Variants in NREP observed in about 807,000 individuals in gnomAD.
The protein encoded by NREP is neuronal regeneration-related protein.
A neutral mutation model predicts 8.6 loss-of-function variants in NREP; 5 were observed. The ratio of observed to expected loss-of-function variants is 0.58; its 90% confidence interval spans 0.30 to 1.22. The LOEUF (loss-of-function observed/expected upper bound fraction) is 1.22, where lower values mean the gene tolerates loss of function less well. Ranked by LOEUF, NREP falls within the 50% of genes most tolerant of loss-of-function variation. NREP has a pLI of 0.07. For missense variants in NREP, 86 were observed against 82.5 expected (o/e 1.04, Z -0.17); for synonymous variants, 27 against 28.0 (o/e 0.96, Z 0.11).
intron 2 of NREP, among the ~76,000 whole-genome samples, chr5:111,778,420 T>C (rs1444203945): frequency 6.6e-6 from 1 of 152,176 alleles, no homozygotes; most frequent in Non-Finnish European, 1.5e-5. Flanking sequence ...GTTTAAGTAG[T>C]GTGCTTAACA....
intron 2 of NREP, among the ~76,000 whole-genome samples, chr5:111,903,935 A>G (rs1303460067): frequency 6.6e-6 from 1 of 152,134 alleles, no homozygotes; most frequent in Non-Finnish European, 1.5e-5. Context: ...TAGAGTCAAA[A>G]GTTTTCGGTA....
At chr5:111,889,697 G>A (rs11950296) in intron 2 of NREP, among the ~76,000 whole-genome samples, 17,004 of 152,132 alleles carry the variant, frequency 0.11, 1,436 homozygotes, top group African/African-American at 0.23. Flanking sequence ...TGTCACATGC[G>A]TCCGTGTGAA....
At chr5:111,834,303 G>C (rs1752842830) in intron 2 of NREP, among the ~76,000 whole-genome samples, 1 of 152,120 alleles carries the variant, frequency 6.6e-6, no homozygotes, top group Non-Finnish European at 1.5e-5. Context: ...CTACCCTATG[G>C]CAACTAGGGA....
At chr5:111,749,459 T>G (rs1750216814) in intron 2 of NREP, among the ~76,000 whole-genome samples, 1 of 152,162 alleles carries the variant, frequency 6.6e-6, no homozygotes, top group African/African-American at 2.4e-5. Context: ...TGGACTTGGC[T>G]TTACTCGATT....
At chr5:111,767,562 G>A (rs557210094) in intron 2 of NREP, among the ~76,000 whole-genome samples, 10 of 152,250 alleles carry the variant, frequency 6.6e-5, no homozygotes, top group South Asian at 4.1e-4. Flanking sequence ...TCACGTCCAC[G>A]TACTCCATCA....
intron 2 of NREP, among the ~76,000 whole-genome samples, chr5:111,878,950 T>C (rs1443822708): frequency 2.0e-5 from 3 of 152,242 alleles, no homozygotes; most frequent in Non-Finnish European, 4.4e-5. Context: ...TTTGATATAG[T>C]TTGGATGTTT....
At chr5:111,927,021 T>C (rs113337126) in intron 2 of NREP, among the ~76,000 whole-genome samples, 113 of 152,082 alleles carry the variant, frequency 7.4e-4, no homozygotes, top group African/African-American at 2.6e-3. Context: ...GTCTCCCCTA[T>C]AGATGGATCT....
intron 2 of NREP, among the ~76,000 whole-genome samples, chr5:111,879,660 G>A (rs1017355614): frequency 2.6e-5 from 4 of 152,138 alleles, no homozygotes; most frequent in Admixed American, 1.3e-4. Context: ...TTGCCGTAAC[G>A]ATATACCGTA....
chr5:111,956,614 A>T (rs758397531), intron 2 of NREP, among the ~76,000 whole-genome samples: 1 of 152,126 alleles, frequency 6.6e-6, no homozygotes, highest in Non-Finnish European at 1.5e-5. Flanking sequence ...AATATTTTTT[A>T]AAAAGCTAGT....
intron 2 of NREP, among the ~76,000 whole-genome samples, chr5:111,763,235 C>G (rs1370213599): frequency 6.6e-6 from 1 of 152,144 alleles, no homozygotes; most frequent in Non-Finnish European, 1.5e-5. Context: ...CACAAAATAT[C>G]AGGAACTCAG....
chr5:111,763,787 C>T (rs182324276), intron 2 of NREP, among the ~76,000 whole-genome samples: 42 of 152,310 alleles, frequency 2.8e-4, no homozygotes, highest in Middle Eastern at 3.4e-3. Flanking sequence ...TGTGTGTGCG[C>T]GCACGCGCAT....
intron 2 of NREP, among the ~76,000 whole-genome samples, chr5:111,873,151 C>T (rs1753827514): frequency 6.6e-6 from 1 of 152,062 alleles, no homozygotes; most frequent in South Asian, 2.1e-4. Flanking sequence ...ATAATGCCTG[C>T]CTTGCACATC....
intron 2 of NREP, among the ~76,000 whole-genome samples, chr5:111,916,827 T>A (rs1755073080): frequency 6.6e-6 from 1 of 152,128 alleles, no homozygotes; most frequent in African/African-American, 2.4e-5. Context: ...CAAATCCATA[T>A]GGGTATGCAG....
chr5:111,749,259 A>G (rs1750204978), intron 2 of NREP, among the ~76,000 whole-genome samples: 1 of 152,182 alleles, frequency 6.6e-6, no homozygotes, highest in Non-Finnish European at 1.5e-5. Context: ...GAGAAGGCAT[A>G]AAGAATTCAA....
intron 2 of NREP, among the ~76,000 whole-genome samples, chr5:111,864,438 AC>A (rs1248460923): frequency 1.3e-5 from 2 of 151,972 alleles, no homozygotes; most frequent in Non-Finnish European, 2.9e-5. Flanking sequence ...GGGAGATATC[AC>A]CCCCCAGAAG....
At chr5:111,883,504 A>C (rs1329738197) in intron 2 of NREP, among the ~76,000 whole-genome samples, 1 of 152,204 alleles carries the variant, frequency 6.6e-6, no homozygotes, top group Non-Finnish European at 1.5e-5. Context: ...CTCCACCCCA[A>C]ATCAACAGAA....
chr5:111,881,936 A>G (rs967026112), intron 2 of NREP, among the ~76,000 whole-genome samples: 1 of 152,216 alleles, frequency 6.6e-6, no homozygotes, highest in South Asian at 2.1e-4. Context: ...TCCTCCTCCA[A>G]AGGATCACAG....
upstream of NREP, among the ~76,000 whole-genome samples, chr5:111,761,466 A>G (rs558269028): frequency 2.0e-4 from 30 of 152,266 alleles, no homozygotes; most frequent in Non-Finnish European, 2.9e-4. Context: ...TTTTTAAGAA[A>G]TGTTCTTTGA....
At chr5:111,801,621 T>C (rs1039361121) in intron 2 of NREP, among the ~76,000 whole-genome samples, 1 of 152,160 alleles carries the variant, frequency 6.6e-6, no homozygotes, top group Non-Finnish European at 1.5e-5. Context: ...TTTTTCACTG[T>C]CCTGATAAGA....
Sources: allele counts gnomAD v4.1 joint callset (sites outside exome capture counted in the v4.1 genomes callset), GRCh38; gene constraint gnomAD v4.1.1; transcripts MANE v1.5; gene names NCBI Gene and HGNC (gene_info 2026-07-23, HGNC 2026-07-21).